The following FYN variants were observed in gnomAD, a reference collection of about 807,000 sequenced individuals.
The protein encoded by FYN is tyrosine-protein kinase Fyn.
In FYN, 10 loss-of-function variants were observed where a neutral mutation model predicts 70.2. The observed-to-expected ratio is 0.14, with a 90% confidence interval of 0.09 to 0.24. The LOEUF is 0.24. Among genes scored for constraint, FYN ranks in the 10% least tolerant of loss-of-function variants. The probability of loss-of-function intolerance (pLI) is 1.00; values close to 1 mark genes in which losing one functional copy is unlikely to be tolerated. For synonymous variants in FYN, 236 were observed against 248.6 expected (o/e 0.95, Z 0.48); for missense variants, 319 against 673.1 (o/e 0.47, Z 5.82).
intron 2 of FYN, among the ~76,000 whole-genome samples, chr6:111,805,556 A>C (rs1371354555): frequency 6.6e-6 from 1 of 152,110 alleles, no homozygotes; most frequent in African/African-American, 2.4e-5. Flanking sequence ...CATGTGGTTC[A>C]GGTTCCTTCT....
chr6:111,822,576 A>G (rs1013225096), intron 2 of FYN, among the ~76,000 whole-genome samples: 1 of 152,038 alleles, frequency 6.6e-6, no homozygotes, highest in Non-Finnish European at 1.5e-5. Flanking sequence ...ACATGTATAC[A>G]TATGTAACAA....
At chr6:111,703,108 G>A in intron 7 of FYN, 74 bp from the exon 8 acceptor site, 1 of 1,404,260 alleles carries the variant, frequency 7.1e-7, no homozygotes, top group Non-Finnish European at 9.9e-7. Flanking sequence ...TCATTTTCTT[G>A]ACTCTGATTA....
intron 5 of FYN, among the ~76,000 whole-genome samples, chr6:111,711,850 C>A (rs574676467): frequency 6.6e-6 from 1 of 152,348 alleles, no homozygotes; most frequent in South Asian, 2.1e-4. Flanking sequence ...GTTACACAAA[C>A]CTTATTTTTC....
At chr6:111,737,748 G>C (rs1801771251) in intron 3 of FYN, among the ~76,000 whole-genome samples, 1 of 152,112 alleles carries the variant, frequency 6.6e-6, no homozygotes, top group Non-Finnish European at 1.5e-5. Context: ...AAGGCTCAAA[G>C]TCCCAACCCT....
chr6:111,730,993 C>T (rs561774780), intron 3 of FYN, among the ~76,000 whole-genome samples: 2 of 152,134 alleles, frequency 1.3e-5, no homozygotes, highest in Middle Eastern at 3.2e-3. Context: ...CAGAACTGGC[C>T]GAGGGCCCAA....
At chr6:111,719,545 G>A (rs1236088249) in intron 4 of FYN, 5 of 367,852 alleles carry the variant, frequency 1.4e-5, no homozygotes, top group Non-Finnish European at 2.5e-5. Context: ...TGCCTCAGTA[G>A]AATGTTGTAG....
intron 2 of FYN, among the ~76,000 whole-genome samples, chr6:111,814,760 G>A (rs1282004401): frequency 7.2e-5 from 11 of 152,070 alleles, no homozygotes; most frequent in Non-Finnish European, 1.5e-4. Flanking sequence ...GTGGGAGATG[G>A]CAATAAAATA....
At chr6:111,837,129 G>A (rs1405250990) in intron 2 of FYN, among the ~76,000 whole-genome samples, 4 of 152,128 alleles carry the variant, frequency 2.6e-5, no homozygotes, top group Non-Finnish European at 4.4e-5. Flanking sequence ...TCACCATAAC[G>A]ACTTCTAAAC....
intron 12 of FYN, among the ~76,000 whole-genome samples, chr6:111,687,269 T>A (rs955664498): frequency 1.3e-5 from 2 of 152,190 alleles, no homozygotes; most frequent in Admixed American, 6.5e-5. Context: ...CTCCAGACAA[T>A]AATCTATTCA....
chr6:111,725,468 G>A (rs984465007), intron 3 of FYN, among the ~76,000 whole-genome samples: 9 of 152,188 alleles, frequency 5.9e-5, no homozygotes, highest in African/African-American at 1.4e-4. Context: ...GGGGACAGAC[G>A]GGACAGAAGG....
At chr6:111,697,955 G>C (rs1799646014) in intron 9 of FYN, among the ~76,000 whole-genome samples, 1 of 152,168 alleles carries the variant, frequency 6.6e-6, no homozygotes, top group Admixed American at 6.5e-5. Context: ...TTGAGATTAA[G>C]TCCAGAGAGA....
At chr6:111,791,007 CA>C (rs369515895) in intron 2 of FYN, among the ~76,000 whole-genome samples, 2 of 151,950 alleles carry the variant, frequency 1.3e-5, no homozygotes, top group African/African-American at 4.8e-5. Flanking sequence ...ACTGAACCAC[CA>C]ATTTTTTTTG....
intron 3 of FYN, among the ~76,000 whole-genome samples, chr6:111,759,343 T>C (rs1416138319): frequency 6.6e-6 from 1 of 152,198 alleles, no homozygotes; most frequent in East Asian, 1.9e-4. Flanking sequence ...TTGTCAGCAA[T>C]CTCTTCCTTC....
intron 2 of FYN, among the ~76,000 whole-genome samples, chr6:111,830,156 C>T (rs1183911841): frequency 1.3e-5 from 2 of 152,124 alleles, no homozygotes; most frequent in East Asian, 3.8e-4. Context: ...GTCGTGGGGA[C>T]CCATCTTCCT....
At chr6:111,807,534 C>G (rs1013400208) in intron 2 of FYN, among the ~76,000 whole-genome samples, 5 of 152,232 alleles carry the variant, frequency 3.3e-5, no homozygotes, top group African/African-American at 1.2e-4. Context: ...CACTTACCCC[C>G]AGGTAAGACT....
chr6:111,799,280 A>C (rs1307894628), intron 2 of FYN, among the ~76,000 whole-genome samples: 1 of 152,244 alleles, frequency 6.6e-6, no homozygotes, highest in Non-Finnish European at 1.5e-5. Flanking sequence ...AATCAGAAGT[A>C]AATGTGCAGA....
rs553239120 is a variant in FYN, at chr6:111,757,988, G to T, written c.-12+22578C>A. ...AAGTGACAAAAAAAATGAGATAAAA[G>T]GGTAGAGAATGTTCTATATTCACGT... is the stretch of plus-strand genomic sequence containing the variant. On this transcript the variant is annotated intron_variant, in intron 3 of 13. Coordinates refer to ENST00000354650, the MANE Select transcript of FYN (RefSeq NM_002037.5). Among the ~76,000 whole-genome samples the T allele has an allele frequency of 3.9e-5, 6 of 152,264 alleles. No individual in the cohort carries two copies. The South Asian group carries it at 1.2e-3, about 32-fold the overall frequency.
At chr6:111,855,738 T>C (rs1392246456) in intron 1 of FYN, among the ~76,000 whole-genome samples, 3 of 152,172 alleles carry the variant, frequency 2.0e-5, no homozygotes, top group African/African-American at 7.2e-5. Context: ...TCCAAACTAG[T>C]TGGAAGTCTT....
chr6:111,796,551 G>A (rs114474731), intron 2 of FYN, among the ~76,000 whole-genome samples: 2,505 of 152,234 alleles, frequency 0.016, 62 homozygotes, highest in African/African-American at 0.055. Context: ...ATGTATCCCT[G>A]TCCTGAAGCA....
Sources: gnomAD v4.1 joint callset for allele counts (sites outside exome capture counted in the v4.1 genomes callset) on GRCh38, gnomAD v4.1.1 for gene constraint, MANE v1.5 for transcripts, NCBI Gene and HGNC (gene_info 2026-07-23, HGNC 2026-07-21) for gene names.